ERC1: variants seen among roughly 807,000 people sequenced by gnomAD.
ERC1 encodes ELKS/RAB6-interacting/CAST family member 1.
ERC1 carries 56 observed loss-of-function variants against 132.0 expected under a neutral mutation model. The ratio of observed to expected loss-of-function variants is 0.42; its 90% CI spans 0.34 to 0.53. ERC1 has a LOEUF of 0.53. Ranked by LOEUF, ERC1 falls within the 20% of genes least tolerant of loss-of-function variation. The probability of loss-of-function intolerance (pLI) is 0.03; values close to 1 mark genes in which losing one functional copy is unlikely to be tolerated. For missense variants in ERC1, 1,202 were observed against 1,349.9 expected (o/e 0.89, Z 1.72); for synonymous variants, 478 against 476.1 (o/e 1.00, Z -0.05).
Position 1,269,962 on chromosome 12 carries a change from C to T in ERC1, c.2619+6797C>T, listed in dbSNP as rs538395642. Among the ~76,000 whole-genome samples the T allele has an allele frequency of 5.3e-5, 8 of 152,200 alleles. No individual in the cohort carries two copies. The South Asian group carries it at 1.7e-3, about 32-fold the overall frequency. ...TTGGTGTTAAGATAATGGATGAGTC[C>T]GTCAGGTTGTTTTCAACAGAATTGA... is the stretch of plus-strand genomic sequence containing the variant. On this transcript the variant is annotated intron_variant, in intron 14 of 18. Transcript: ENST00000360905.
At chr12:1,084,818 A>G (rs749024568) in intron 3 of ERC1, among the ~76,000 whole-genome samples, 2 of 151,914 alleles carry the variant, frequency 1.3e-5, no homozygotes, top group Non-Finnish European at 2.9e-5. Context: ...TAGCCTCCCT[A>G]GTAGGTAGGT....
intron 4 of ERC1, among the ~76,000 whole-genome samples, chr12:1,109,796 C>G (rs1945652046): frequency 6.6e-6 from 1 of 152,176 alleles, no homozygotes; most frequent in South Asian, 2.1e-4. Context: ...GCCCATAAGC[C>G]CACCACTTTT....
chr12:1,201,043 C>A (rs1956866750), intron 12 of ERC1, among the ~76,000 whole-genome samples: 1 of 151,780 alleles, frequency 6.6e-6, no homozygotes, highest in Non-Finnish European at 1.5e-5. Context: ...CACGTTTTTC[C>A]TTCTGTAAAA....
chr12:1,421,546 A>G (rs908496322), intron 17 of ERC1, among the ~76,000 whole-genome samples: 5 of 152,184 alleles, frequency 3.3e-5, no homozygotes, highest in East Asian at 1.9e-4. Context: ...CCTTGGTATG[A>G]GTAACAGGTC....
At position 1,399,636 on chromosome 12, in the gene ERC1, AATATAC is replaced by A. The variant is rs557510795; in HGVS notation, c.2926-8512_2926-8507del. ...TCTGGAGATTTCATATAAGTGAAAT[AATATAC>A]TATGTTGCCTTTTGCAGGACTTCTT... On this transcript the variant is annotated intron_variant, in intron 16 of 18. Coordinates refer to ENST00000360905, the MANE Select transcript of ERC1 (RefSeq NM_178040.4). 7.9e-4 allele frequency among the ~76,000 whole-genome samples: 120 copies of A among 152,346 alleles called. 1 individual carries two copies. The highest frequency in any genetic ancestry group is 2.8e-3 in the African/African-American group (115 of 41,574).
intron 13 of ERC1, chr12:1,245,084 T>C (rs1240886155): frequency 6.6e-6 from 1 of 152,244 alleles, no homozygotes; most frequent in Non-Finnish European, 1.5e-5. Context: ...CTATTTTTTC[T>C]CTTTTTTAAC....
rs147316198 is a variant in ERC1, at chr12:1,188,257, A to G, written c.2158-1602A>G. 2.4e-3 allele frequency among the ~76,000 whole-genome samples: 369 copies of G among 152,200 alleles called. 2 individuals are homozygous for G. The highest frequency in any genetic ancestry group is 8.1e-3 in the African/African-American group (338 of 41,518). On this transcript the variant is annotated intron_variant, in intron 11 of 18. Transcript: ENST00000360905. ...ACTTCTGCTTTTGTTTGCATCTTCA[A>G]TCTCTTCGCCTTTGTTGTCCCCTCT...
At chr12:1,257,152 A>G (rs1217593475) in intron 13 of ERC1, 1 of 140,642 alleles carries the variant, frequency 7.1e-6, no homozygotes, top group Non-Finnish European at 1.5e-5. Flanking sequence ...GGTGAGAGCC[A>G]GCCTCCGTGT....
chr12:1,274,480 T>TTTTTTTTATTTATTTA (rs2078109014), intron 14 of ERC1, among the ~76,000 whole-genome samples: 9 of 150,136 alleles, frequency 6.0e-5, no homozygotes, highest in Admixed American at 2.6e-4. Flanking sequence ...TTTTATTTTA[T>TTTTTTTTATTTATTTA]TTTATTTATT....
chr12:1,447,335 T>C (rs912644216), intron 18 of ERC1, among the ~76,000 whole-genome samples: 48 of 152,102 alleles, frequency 3.2e-4, no homozygotes, highest in African/African-American at 1.1e-3. Flanking sequence ...CTGGGCAACA[T>C]AGAGAGACCT....
At chr12:1,183,057 T>C (rs1314867153) in intron 10 of ERC1, among the ~76,000 whole-genome samples, 3 of 152,240 alleles carry the variant, frequency 2.0e-5, no homozygotes, top group Non-Finnish European at 4.4e-5. Context: ...CAGAACTCTT[T>C]ACATCACTGT....
At chr12:1,090,961 A>G (rs61919993) in intron 3 of ERC1, among the ~76,000 whole-genome samples, 7,680 of 59,490 alleles carry the variant, frequency 0.13, 2,156 homozygotes, top group Admixed American at 0.15. Context: ...GCAGTGGCGC[A>G]ATCTTGGCTC....
intron 12 of ERC1, among the ~76,000 whole-genome samples, chr12:1,208,957 ATTTTTTTTTT>A (rs538961813): frequency 0.037 from 2,618 of 71,594 alleles, 132 homozygotes; most frequent in African/African-American, 0.16. Flanking sequence ...CGCCCAGCTG[ATTTTTTTTTT>A]TTTTTTTTTT....
chr12:1,312,323 A>G (rs1281295813), intron 15 of ERC1, among the ~76,000 whole-genome samples: 1 of 152,096 alleles, frequency 6.6e-6, no homozygotes, highest in Non-Finnish European at 1.5e-5. Flanking sequence ...CTCCTAACCC[A>G]CTGATGGCAC....
At chr12:1,306,224 C>T (rs2080871452) in intron 15 of ERC1, among the ~76,000 whole-genome samples, 1 of 152,170 alleles carries the variant, frequency 6.6e-6, no homozygotes, top group African/African-American at 2.4e-5. Flanking sequence ...ATTCTCTAAG[C>T]TCTAGGAGCA....
intron 15 of ERC1, among the ~76,000 whole-genome samples, chr12:1,321,861 A>G (rs1170330717): frequency 6.6e-6 from 1 of 151,934 alleles, no homozygotes; most frequent in Non-Finnish European, 1.5e-5. Context: ...AGTTCATAGC[A>G]TATTCCTTGA....
intron 16 of ERC1, among the ~76,000 whole-genome samples, chr12:1,374,920 A>C (rs963371459): frequency 2.6e-5 from 4 of 151,484 alleles, no homozygotes; most frequent in Non-Finnish European, 4.4e-5. Context: ...TTGAATCTAG[A>C]TAATCTCATT....
chr12:1,487,804 AGAAAC>A (rs896419829), intron 18 of ERC1, among the ~76,000 whole-genome samples: 6 of 104,836 alleles, frequency 5.7e-5, no homozygotes, highest in East Asian at 4.0e-4. Context: ...AGGAAAGAAA[AGAAAC>A]GAGAGAGAGA....
chr12:1,136,330 T>G (rs1252085148), intron 7 of ERC1, among the ~76,000 whole-genome samples: 2 of 152,244 alleles, frequency 1.3e-5, no homozygotes, highest in African/African-American at 4.8e-5. Context: ...TCCATTATCT[T>G]CCTCACCAGC....
Sources: gnomAD v4.1 joint callset for allele counts (sites outside exome capture counted in the v4.1 genomes callset) on GRCh38, gnomAD v4.1.1 for gene constraint, MANE v1.5 for transcripts, NCBI Gene and HGNC (gene_info 2026-07-23, HGNC 2026-07-21) for gene names.